The following SAXO5 variants were observed in gnomAD, a reference collection of about 807,000 sequenced individuals.
SAXO5 encodes testis expressed 45.
chr19:7,500,665 T>TC, the SAXO5 span: 1 of 629,968 alleles, frequency 1.6e-6, no homozygotes, highest in East Asian at 3.4e-5. Context: ...TGTACCAGTT[T>TC]CCCGTGATGT....
chr19:7,504,200 C>T, the SAXO5 span: 1 of 1,614,038 alleles, frequency 6.2e-7, no homozygotes, highest in African/African-American at 1.3e-5. Flanking sequence ...CCCTGCCAGG[C>T]CCACCTGCCT....
chr19:7,501,392 C>T, the SAXO5 span: 5 of 1,494,392 alleles, frequency 3.3e-6, no homozygotes, highest in South Asian at 5.3e-5. Context: ...CGCCCAGTTG[C>T]CACCTCGGTG....
At chr19:7,508,281 T>C in the SAXO5 span, 1 of 1,614,046 alleles carries the variant, frequency 6.2e-7, no homozygotes, top group Non-Finnish European at 8.5e-7. Flanking sequence ...CGAGTTTCCT[T>C]TCAAGTACCA....
At chr19:7,504,075 T>C in the SAXO5 span, 2 of 1,355,808 alleles carry the variant, frequency 1.5e-6, no homozygotes, top group South Asian at 1.2e-5. Context: ...TGGCAGGGAA[T>C]CTCAATCTCT....
chr19:7,501,859 A>AAGAG, the SAXO5 span, among the ~76,000 whole-genome samples: 794 of 145,758 alleles, frequency 5.4e-3, 4 homozygotes, highest in Non-Finnish European at 9.6e-3. Flanking sequence ...AGAAAGAAGA[A>AAGAG]AGAGAGAGAG....
At chr19:7,505,326 A>G in the SAXO5 span, 4 of 1,613,964 alleles carry the variant, frequency 2.5e-6, no homozygotes, top group Middle Eastern at 3.3e-4. Flanking sequence ...ACGTACAGGT[A>G]TGACAAGGCC....
chr19:7,506,218 A>ACCCC, the SAXO5 span: 1 of 1,059,846 alleles, frequency 9.4e-7, no homozygotes, highest in Non-Finnish European at 1.1e-6. Context: ...GGGAAGCCCC[A>ACCCC]CCCCCGAAAG....
At chr19:7,502,755 T>C in the SAXO5 span, among the ~76,000 whole-genome samples, 1 of 152,242 alleles carries the variant, frequency 6.6e-6, no homozygotes, top group African/African-American at 2.4e-5. Context: ...CAAGCCTCAG[T>C]TTCCCCGTCT....
At chr19:7,499,475 A>C in the SAXO5 span, among the ~76,000 whole-genome samples, 1 of 152,040 alleles carries the variant, frequency 6.6e-6, no homozygotes, top group Non-Finnish European at 1.5e-5. Context: ...GAGGAACAAA[A>C]ATGGGTCCCC....
the SAXO5 span, chr19:7,506,578 G>A: frequency 2.8e-6 from 1 of 355,982 alleles, no homozygotes; most frequent in Non-Finnish European, 5.3e-6. Context: ...GCCCTGCCTG[G>A]CCCTGCCCAC....
chr19:7,508,436 A>C, the SAXO5 span: 1 of 1,604,750 alleles, frequency 6.2e-7, no homozygotes, highest in South Asian at 1.1e-5. Flanking sequence ...AATAAATGCC[A>C]TCTTGGCAAC....
the SAXO5 span, chr19:7,506,741 T>C: frequency 2.7e-6 from 1 of 373,492 alleles, no homozygotes; most frequent in Non-Finnish European, 4.9e-6. Flanking sequence ...AGCTCCTCCC[T>C]CTTTCCCAGT....
chr19:7,499,950 G>GTGTGTGTGTGTGTGTATGTGTC, the SAXO5 span: 1 of 152,364 alleles, frequency 6.6e-6, no homozygotes, highest in African/African-American at 2.4e-5. Context: ...GTGTGTGTGT[G>GTGTGTGTGTGTGTGTATGTGTC]TGTGTGTGTG....
chr19:7,499,855 T>C, the SAXO5 span: 1 of 151,960 alleles, frequency 6.6e-6, no homozygotes, highest in East Asian at 1.9e-4. Flanking sequence ...TGCACACCTA[T>C]AGTCCCAGAT....
the SAXO5 span, chr19:7,506,263 C>G: frequency 9.2e-7 from 1 of 1,084,696 alleles, no homozygotes; most frequent in Non-Finnish European, 1.3e-6. Flanking sequence ...CATGGAGCCC[C>G]GCCCCCACGG....
chr19:7,507,800 C>T, the SAXO5 span, among the ~76,000 whole-genome samples: 3 of 152,100 alleles, frequency 2.0e-5, no homozygotes, highest in Non-Finnish European at 2.9e-5. Flanking sequence ...AGCCTGGGGC[C>T]CTTTTTGCCC....
chr19:7,501,194 C>T, the SAXO5 span: 2 of 1,534,764 alleles, frequency 1.3e-6, no homozygotes, highest in Non-Finnish European at 1.7e-6. Flanking sequence ...CCGGGATCGG[C>T]CTCTCCAACG....
the SAXO5 span, chr19:7,508,330 G>T: frequency 6.2e-7 from 1 of 1,613,960 alleles, no homozygotes; most frequent in South Asian, 1.1e-5. Flanking sequence ...CCTCAGGAGG[G>T]CTTCGTGCCC....
chr19:7,497,729 G>T, the SAXO5 span: 1 of 152,160 alleles, frequency 6.6e-6, no homozygotes, highest in Non-Finnish European at 1.5e-5. Flanking sequence ...GAAAACTGAG[G>T]CTCATGGGAG....
Sources: allele counts gnomAD v4.1 joint callset (sites outside exome capture counted in the v4.1 genomes callset), GRCh38; gene constraint gnomAD v4.1.1; transcripts MANE v1.5; gene names NCBI Gene and HGNC (gene_info 2026-07-23, HGNC 2026-07-21).